Variants in NDUFAF6 observed in about 807,000 individuals in gnomAD.
NDUFAF6 encodes NADH:ubiquinone oxidoreductase complex assembly factor 6, also known as NADH dehydrogenase (ubiquinone) complex I, assembly factor 6.
A neutral mutation model predicts 40.8 loss-of-function variants in NDUFAF6; 45 were observed. The ratio of observed to expected loss-of-function variants is 1.10; its 90% confidence interval spans 0.87 to 1.42. The LOEUF (loss-of-function observed/expected upper bound fraction) is 1.42. Ranked by LOEUF, NDUFAF6 falls within the 40% of genes most tolerant of loss-of-function variation. NDUFAF6 has a pLI of 0.00. For missense variants in NDUFAF6, 435 were observed against 418.5 expected (o/e 1.04, Z -0.34); for synonymous variants, 185 against 155.9 (o/e 1.19, Z -1.39).
intron 1 of NDUFAF6, among the ~76,000 whole-genome samples, chr8:94,959,285 T>C (rs1823354584): frequency 6.6e-6 from 1 of 152,152 alleles, no homozygotes; most frequent in African/African-American, 2.4e-5. Flanking sequence ...TCTCCCAGGA[T>C]GTAAAGGAGG....
At chr8:95,082,151 G>A (rs1808892133) in intron 2 of NDUFAF6, among the ~76,000 whole-genome samples, 4 of 151,708 alleles carry the variant, frequency 2.6e-5, no homozygotes, top group African/African-American at 7.3e-5. Context: ...AATAACTGAA[G>A]TAAGAGGAAT....
chr8:94,907,549 T>C lies in NDUFAF6; in HGVS notation c.-936+11622T>C, dbSNP rs76039683. Among the ~76,000 whole-genome samples the C allele has an allele frequency of 2.3e-3, 355 of 152,314 alleles. 15 individuals carry two copies. The East Asian group carries it at 0.062, about 26-fold the overall frequency. On this transcript the variant is annotated intron_variant, in intron 1 of 14. Transcript: ENST00000396113. ...GTTTACCATAGCTGAAACATAGCTG[T>C]GATTATCCCATATACCCAAACATCT... is the stretch of plus-strand genomic sequence containing the variant.
chr8:95,085,203 A>C (rs1285635060), intron 2 of NDUFAF6, among the ~76,000 whole-genome samples: 1 of 152,194 alleles, frequency 6.6e-6, no homozygotes, highest in Non-Finnish European at 1.5e-5. Context: ...GGTTTGTCCC[A>C]TAAAGTTCCC....
chr8:94,983,805 A>C (rs1394973858), intron 2 of NDUFAF6, among the ~76,000 whole-genome samples: 1 of 152,046 alleles, frequency 6.6e-6, no homozygotes, highest in African/African-American at 2.4e-5. Context: ...CATCTTAATC[A>C]CTCACCTGGT....
At chr8:95,005,492 C>G (rs1216253396) in intron 2 of NDUFAF6, among the ~76,000 whole-genome samples, 2 of 142,038 alleles carry the variant, frequency 1.4e-5, no homozygotes, top group Non-Finnish European at 3.0e-5. Flanking sequence ...TACTTTAGAA[C>G]TCTGAGCTCC....
intron 1 of NDUFAF6, among the ~76,000 whole-genome samples, chr8:94,924,868 G>T (rs890526611): frequency 2.0e-5 from 3 of 152,060 alleles, no homozygotes; most frequent in African/African-American, 7.2e-5. Flanking sequence ...TCAGCCTCCC[G>T]AGGAGCTGGG....
intron 1 of NDUFAF6, among the ~76,000 whole-genome samples, chr8:94,978,569 G>A (rs1022841203): frequency 6.6e-6 from 1 of 151,978 alleles, no homozygotes; most frequent in Non-Finnish European, 1.5e-5. Context: ...TAAAAACTTA[G>A]CCAGGCTTGG....
intron 3 of NDUFAF6, among the ~76,000 whole-genome samples, chr8:95,037,971 C>A (rs931369567): frequency 1.3e-5 from 2 of 152,192 alleles, no homozygotes; most frequent in Non-Finnish European, 2.9e-5. Context: ...GCAGCCTCAA[C>A]CTCCTGGGCT....
intron 9 of NDUFAF6, among the ~76,000 whole-genome samples, chr8:95,070,409 A>T (rs568998140): frequency 6.6e-6 from 1 of 152,330 alleles, no homozygotes; most frequent in African/African-American, 2.4e-5. Context: ...TTTCAGAGAA[A>T]ACCAGGTCAC....
chr8:95,079,221 C>T (rs1213999921), downstream of NDUFAF6, among the ~76,000 whole-genome samples: 2 of 152,112 alleles, frequency 1.3e-5, no homozygotes, highest in African/African-American at 4.8e-5. Flanking sequence ...ATCCGCCCAC[C>T]TCAGCCTCCC....
intron 7 of NDUFAF6, among the ~76,000 whole-genome samples, chr8:95,051,207 C>T (rs1241514029): frequency 6.6e-6 from 1 of 152,060 alleles, no homozygotes. Context: ...AGGGGCAGAA[C>T]CCCAAGGCCC....
chr8:94,941,432 A>G (rs78936545), intron 1 of NDUFAF6, among the ~76,000 whole-genome samples: 3,460 of 152,292 alleles, frequency 0.023, 54 homozygotes, highest in African/African-American at 0.039. Flanking sequence ...GTCTTGCTAT[A>G]TGTTATTCAA....
chr8:94,951,057 C>T (rs1822566110), intron 2 of NDUFAF6: 1 of 152,172 alleles, frequency 6.6e-6, no homozygotes, highest in Non-Finnish European at 1.5e-5. Flanking sequence ...TAGAATGTGG[C>T]AGAAAGAATG....
intron 9 of NDUFAF6, among the ~76,000 whole-genome samples, chr8:95,074,338 G>A (rs960171111): frequency 2.0e-5 from 3 of 152,080 alleles, no homozygotes; most frequent in Non-Finnish European, 4.4e-5. Context: ...AGTCCTTTTC[G>A]TTACTGACTT....
chr8:94,939,942 C>G, intron 1 of NDUFAF6: 1 of 1,614,126 alleles, frequency 6.2e-7, no homozygotes, highest in Non-Finnish European at 8.5e-7. Flanking sequence ...ACAGCATAGA[C>G]AGACATGCTG....
At chr8:94,930,915 G>A (rs532548467) in intron 1 of NDUFAF6, among the ~76,000 whole-genome samples, 9 of 152,318 alleles carry the variant, frequency 5.9e-5, no homozygotes, top group Admixed American at 5.2e-4. Context: ...GGAAAGGAGA[G>A]CCAACTGTTA....
chr8:94,967,960 C>T (rs1362765382), intron 1 of NDUFAF6, among the ~76,000 whole-genome samples: 1 of 138,610 alleles, frequency 7.2e-6, no homozygotes, highest in Non-Finnish European at 1.6e-5. Flanking sequence ...AAAAAAAAGT[C>T]AGCTGGGGCT....
At chr8:95,081,141 A>ATTT (rs1808847277), downstream of NDUFAF6, among the ~76,000 whole-genome samples, 1 of 103,300 alleles carries the variant, frequency 9.7e-6, no homozygotes, top group African/African-American at 3.8e-5. Context: ...TGAGTCCTGC[A>ATTT]TCTTTTTTTT....
intron 1 of NDUFAF6, among the ~76,000 whole-genome samples, chr8:94,980,636 T>TG (rs781696379): frequency 0.011 from 292 of 27,510 alleles, 4 homozygotes; most frequent in African/African-American, 0.031. Context: ...AGTAGGGGGG[T>TG]GGGGGGGTCT....
Sources: allele counts gnomAD v4.1 joint callset (sites outside exome capture counted in the v4.1 genomes callset), GRCh38; gene constraint gnomAD v4.1.1; transcripts MANE v1.5; gene names NCBI Gene and HGNC (gene_info 2026-07-23, HGNC 2026-07-21).